NUP58: variants seen among roughly 807,000 people sequenced by gnomAD.
NUP58 encodes nucleoporin 58.
NUP58 carries 17 observed loss-of-function variants against 70.1 expected under a neutral mutation model. The observed-to-expected ratio is 0.24, with a 90% CI of 0.17 to 0.36. The LOEUF is 0.36. Ranked by LOEUF, NUP58 falls within the 10% of genes least tolerant of loss-of-function variation. The pLI, the probability that NUP58 is intolerant of heterozygous loss-of-function variation, is 1.00. For synonymous variants in NUP58, 275 were observed against 257.6 expected, an observed-to-expected ratio of 1.07 and a Z score of -0.65; for missense variants, 644 against 701.5, an observed-to-expected ratio of 0.92 and a Z score of 0.93.
rs755945965 is a variant in NUP58, at chr13:25,321,810, C to T, written c.951+717C>T. Among the ~76,000 whole-genome samples, 11 of 152,014 alleles carry T rather than the reference C, an allele frequency of 7.2e-5. No individual in the cohort carries two copies. In the South Asian group the frequency reaches 1.5e-3, roughly 20 times the overall value. On this transcript the variant is annotated intron_variant, in intron 9 of 15. Transcript: ENST00000381736. The stretch of plus-strand genomic sequence containing the variant: ...TGCATGCCTATAATCCCAGCTATTC[C>T]GGAGGCTGAGGCAGGAGAATCGCTT...
At chr13:25,303,789 A>AG (rs1446370030) in intron 1 of NUP58, among the ~76,000 whole-genome samples, 1 of 152,248 alleles carries the variant, frequency 6.6e-6, no homozygotes, top group Non-Finnish European at 1.5e-5. Flanking sequence ...GCAAGGTCTG[A>AG]GTCTTAATTT....
intron 12 of NUP58, among the ~76,000 whole-genome samples, chr13:25,329,998 T>G (rs2031547140): frequency 6.6e-6 from 1 of 152,074 alleles, no homozygotes; most frequent in East Asian, 1.9e-4. Flanking sequence ...CTAGCTAATT[T>G]TTTAACTTTT....
intron 3 of NUP58, among the ~76,000 whole-genome samples, chr13:25,347,934 G>T (rs2032069386): frequency 6.6e-6 from 1 of 152,154 alleles, no homozygotes; most frequent in African/African-American, 2.4e-5. Context: ...TTTACTTGCA[G>T]TTGATTTAGA....
In NUP58 at chr13:25,340,269, G is replaced by T; in HGVS notation, c.*135G>T. 1.2e-6 allele frequency: 1 copy of T among 844,684 alleles called. No homozygotes were observed. Among genetic ancestry groups the T allele is most frequent in the Non-Finnish European group, 1.7e-6 (1 of 593,822 alleles). The allele number at this position is 844,684 out of a possible 1,614,324, so 52.3% of individuals were successfully genotyped here. A position where few individuals can be genotyped will look rare whatever the true frequency, so the allele number is the denominator to read the frequency against. ...GATATTTTTCCCTACTCTGGAATTT[G>T]AACTTTCTTCATGTTTGCCATACTG... On this transcript the variant is annotated 3_prime_UTR_variant, in exon 16 of 16. Coordinates refer to ENST00000381736, the MANE Select transcript of NUP58 (RefSeq NM_014089.4).
At chr13:25,334,370 CT>C in intron 13 of NUP58, 1 of 985,084 alleles carries the variant, frequency 1.0e-6, no homozygotes, top group Non-Finnish European at 1.2e-6. Flanking sequence ...CATAATAAGA[CT>C]TTCTTATGTG....
chr13:25,332,347 C>T (rs1042223228), intron 13 of NUP58: 2 of 985,160 alleles, frequency 2.0e-6, no homozygotes, highest in Non-Finnish European at 2.4e-6. Context: ...CTGTGTCTTT[C>T]GGAGGTTAAT....
chr13:25,315,390 G>A lies in NUP58; in HGVS notation c.608G>A (p.Gly203Glu). Residue 203 changes from glycine (G) to glutamate (E), a missense_variant, in exon 6 of 16, where the codon GGA becomes GAA. By Grantham distance (98) the Gly-to-Glu change is moderately conservative. Coordinates refer to ENST00000381736, the MANE Select transcript of NUP58 (RefSeq NM_014089.4). ...LGQNALGLTL[G>E]TTAATSTAGN... ...CAGAATGCTTTAGGGTTGACTTTGGGAACTACAGCAGCTACTTCAACTGCA... is the reference window on the plus strand; with the variant it reads ...CAGAATGCTTTAGGGTTGACTTTGGAAACTACAGCAGCTACTTCAACTGCA... 1 of 1,613,904 alleles carries A rather than the reference G, an allele frequency of 6.2e-7. No individual in the cohort carries two copies.
chr13:25,328,340 T>G (rs372981296), intron 12 of NUP58, among the ~76,000 whole-genome samples: 82 of 152,298 alleles, frequency 5.4e-4, no homozygotes, highest in South Asian at 2.9e-3. Flanking sequence ...CTGTTTGTGT[T>G]TATTAAATAG....
intron 1 of NUP58, among the ~76,000 whole-genome samples, chr13:25,302,601 C>T (rs927991618): frequency 6.6e-6 from 1 of 152,076 alleles, no homozygotes; most frequent in Non-Finnish European, 1.5e-5. Context: ...CAGAAAGAAA[C>T]AAAGTGGTGA....
downstream of NUP58, among the ~76,000 whole-genome samples, chr13:25,346,241 C>T (rs899901329): frequency 1.1e-4 from 16 of 152,218 alleles, no homozygotes; most frequent in Admixed American, 2.6e-4. Flanking sequence ...TCCTCAATCC[C>T]GTGAGCTGGG....
chr13:25,326,231 G>T (rs1241705854), intron 10 of NUP58, among the ~76,000 whole-genome samples: 2 of 152,008 alleles, frequency 1.3e-5, no homozygotes, highest in Admixed American at 1.3e-4. Flanking sequence ...CCTCTGTCTT[G>T]TACTTAATAC....
chr13:25,309,541 A>C (rs566072635), intron 3 of NUP58: 1 of 360,708 alleles, frequency 2.8e-6, no homozygotes, highest in Non-Finnish European at 4.9e-6. Context: ...AGTTTATTTC[A>C]TATTACTTTT....
intron 7 of NUP58, 72 bp downstream of exon 7, chr13:25,319,422 A>G (rs2031083976): frequency 1.9e-5 from 27 of 1,393,040 alleles, no homozygotes; most frequent in Non-Finnish European, 2.4e-5. Context: ...GGCAGATGGT[A>G]TAATTGAAAG....
At chr13:25,321,272 C>A (rs1056996025) in intron 9 of NUP58, among the ~76,000 whole-genome samples, 179 bp downstream of exon 9, 1 of 151,960 alleles carries the variant, frequency 6.6e-6, no homozygotes, top group Non-Finnish European at 1.5e-5. Context: ...TTTCTGTATA[C>A]AAGACAGTAT....
intron 12 of NUP58, among the ~76,000 whole-genome samples, chr13:25,328,634 C>G (rs1398761714): frequency 6.6e-6 from 1 of 152,038 alleles, no homozygotes; most frequent in Admixed American, 6.6e-5. Flanking sequence ...TAAATTCAGG[C>G]AATCCTCCCT....
downstream of NUP58, among the ~76,000 whole-genome samples, chr13:25,346,306 A>G (rs2032049897): frequency 6.6e-6 from 1 of 152,180 alleles, no homozygotes; most frequent in Non-Finnish European, 1.5e-5. Context: ...GTTAAATAAT[A>G]TCACCACTCA....
rs754776990 is a variant in NUP58, at chr13:25,340,079, G to A, written c.1745G>A (p.Gly582Glu). The A allele has an allele frequency of 6.8e-6, 11 of 1,613,550 alleles. No homozygotes were observed. Among genetic ancestry groups the A allele is most frequent in the African/African-American group, 1.3e-5 (1 of 74,878 alleles). Residue 582 changes from glycine (G) to glutamate (E), a missense_variant, in exon 16 of 16, where the codon GGA becomes GAA. Gly to Glu is a moderately conservative substitution (Grantham distance 98). Transcript: ENST00000381736. ...GCCTCTGCAGGTTTTGGAACAGGAG[G>A]ACAACTCCTTCAGTTGAAGAAACCT... is the stretch of plus-strand genomic sequence containing the variant. ...NPASAGFGTG[G>E]QLLQLKKPPA...
chr13:25,334,109 G>T (rs1320370109), intron 13 of NUP58: 4 of 985,192 alleles, frequency 4.1e-6, no homozygotes, highest in South Asian at 4.7e-5. Context: ...TGTTCTGAAG[G>T]CTGCAGAGAA....
rs922087855 is a variant in NUP58 at position 25,337,122 on chromosome 13, CCTG to C, written c.1534+91_1534+93del. ...TAAAAAAAAATTTCTAAGAGAATCT[CCTG>C]CTATTTTGGAAGTTAAGGTTCCATC... is the stretch of plus-strand genomic sequence containing the variant. On this transcript the variant is annotated intron_variant, in intron 14 of 15. Coordinates refer to ENST00000381736, the MANE Select transcript of NUP58 (RefSeq NM_014089.4). 29 of 763,170 alleles carry C rather than the reference CCTG, an allele frequency of 3.8e-5. No individual in the cohort carries two copies. In the African/African-American group the frequency reaches 4.4e-4, roughly 12 times the overall value. The allele number at this position is 763,170 out of a possible 1,614,324, so 47.3% of individuals were successfully genotyped here. A position where few individuals can be genotyped will look rare whatever the true frequency, so the allele number is the denominator to read the frequency against.
Sources: gnomAD v4.1 joint callset for allele counts (sites outside exome capture counted in the v4.1 genomes callset) on GRCh38, gnomAD v4.1.1 for gene constraint, MANE v1.5 for transcripts, NCBI Gene and HGNC (gene_info 2026-07-23, HGNC 2026-07-21) for gene names.